Variants in BLTP3A observed in about 807,000 individuals in gnomAD.
BLTP3A encodes ICBP90 binding protein 1.
the BLTP3A span, among the ~76,000 whole-genome samples, chr6:34,805,365 A>G: frequency 6.6e-6 from 1 of 151,656 alleles, no homozygotes; most frequent in Non-Finnish European, 1.5e-5. Flanking sequence ...GGCTGAGGCA[A>G]GCAGATCACT....
At chr6:34,792,677 T>C in the BLTP3A span, among the ~76,000 whole-genome samples, 8 of 152,210 alleles carry the variant, frequency 5.3e-5, no homozygotes, top group East Asian at 1.5e-3. Flanking sequence ...CGAAGCCCAC[T>C]CTTGCCTGCC....
the BLTP3A span, chr6:34,858,730 G>T: frequency 1.2e-5 from 19 of 1,614,134 alleles, no homozygotes; most frequent in Non-Finnish European, 1.4e-5. Context: ...AGAAGTCATG[G>T]AAATTCTGAA....
the BLTP3A span, among the ~76,000 whole-genome samples, chr6:34,849,392 G>A: frequency 6.6e-6 from 1 of 151,916 alleles, no homozygotes; most frequent in Admixed American, 6.6e-5. Context: ...ATTTTAAACT[G>A]ATGACAACTT....
At chr6:34,852,784 A>G in the BLTP3A span, among the ~76,000 whole-genome samples, 7 of 151,926 alleles carry the variant, frequency 4.6e-5, no homozygotes, top group Admixed American at 2.6e-4. Flanking sequence ...TTCTTAAAGG[A>G]TCCTAGAGCA....
At chr6:34,871,560 A>G in the BLTP3A span, 1 of 1,606,692 alleles carries the variant, frequency 6.2e-7, no homozygotes, top group Non-Finnish European at 8.5e-7. Context: ...GGGGGGCATC[A>G]TGTGGTTTCT....
the BLTP3A span, chr6:34,871,475 A>G: frequency 1.9e-6 from 2 of 1,067,064 alleles, no homozygotes; most frequent in African/African-American, 1.6e-5. Context: ...CCAAGAATGT[A>G]TGGACAAACT....
chr6:34,794,844 G>T, the BLTP3A span, among the ~76,000 whole-genome samples: 1 of 151,854 alleles, frequency 6.6e-6, no homozygotes, highest in Non-Finnish European at 1.5e-5. Context: ...GAGTGCAGTG[G>T]CGCGATCTCG....
At chr6:34,853,354 G>A in the BLTP3A span, among the ~76,000 whole-genome samples, 1 of 151,938 alleles carries the variant, frequency 6.6e-6, no homozygotes, top group African/African-American at 2.4e-5. Context: ...ACCATACTCA[G>A]CTGTTTTTTT....
chr6:34,823,170 C>A, the BLTP3A span: 1 of 1,129,504 alleles, frequency 8.9e-7, no homozygotes, highest in South Asian at 1.2e-5. Flanking sequence ...GGCTCTGGAG[C>A]ACGGAGATGA....
At chr6:34,875,440 C>T in the BLTP3A span, 1 of 152,128 alleles carries the variant, frequency 6.6e-6, no homozygotes, top group African/African-American at 2.4e-5. Flanking sequence ...TCCCTTCCTC[C>T]CCTCACCCAC....
the BLTP3A span, among the ~76,000 whole-genome samples, chr6:34,864,522 C>CT: frequency 0.36 from 39,032 of 109,338 alleles, 7,249 homozygotes; most frequent in African/African-American, 0.4. Flanking sequence ...TGCTTATAGT[C>CT]TTTTTTTTTT....
chr6:34,845,591 A>T, the BLTP3A span, among the ~76,000 whole-genome samples: 1 of 150,180 alleles, frequency 6.7e-6, no homozygotes, highest in Non-Finnish European at 1.5e-5. Context: ...GCTAATTTTT[A>T]AATTATTATT....
the BLTP3A span, among the ~76,000 whole-genome samples, chr6:34,811,885 T>C: frequency 1.3e-5 from 2 of 151,230 alleles, no homozygotes. Context: ...AAAAACTTAG[T>C]TGGGTGTAGT....
At chr6:34,821,028 C>A in the BLTP3A span, among the ~76,000 whole-genome samples, 1 of 150,374 alleles carries the variant, frequency 6.7e-6, no homozygotes, top group Non-Finnish European at 1.5e-5. Context: ...ACGATTTCAG[C>A]TCACTGCAAC....
At chr6:34,843,989 T>C in the BLTP3A span, among the ~76,000 whole-genome samples, 3 of 152,168 alleles carry the variant, frequency 2.0e-5, no homozygotes, top group South Asian at 6.2e-4. Flanking sequence ...TTTGTTTTTG[T>C]TTTTGTTTTG....
chr6:34,823,735 A>G, the BLTP3A span, among the ~76,000 whole-genome samples: 6 of 150,318 alleles, frequency 4.0e-5, no homozygotes, highest in East Asian at 2.0e-4. Flanking sequence ...GTGTCTCACT[A>G]TGTTGCCCAG....
chr6:34,792,378 C>G, the BLTP3A span: 405 of 1,349,006 alleles, frequency 3.0e-4, 2 homozygotes, highest in South Asian at 4.5e-3. Context: ...CGCTCCGGGC[C>G]CAGTCTGCCT....
At chr6:34,831,205 G>A in the BLTP3A span, among the ~76,000 whole-genome samples, 2 of 150,730 alleles carry the variant, frequency 1.3e-5, no homozygotes, top group Non-Finnish European at 2.9e-5. Context: ...TCAGCTCACT[G>A]CAACCTCCAC....
the BLTP3A span, among the ~76,000 whole-genome samples, chr6:34,832,929 A>C: frequency 6.6e-6 from 1 of 152,094 alleles, no homozygotes; most frequent in Non-Finnish European, 1.5e-5. Context: ...TTGAATTTTC[A>C]GACCTCCTTT....
Sources: allele counts gnomAD v4.1 joint callset (sites outside exome capture counted in the v4.1 genomes callset), GRCh38; gene constraint gnomAD v4.1.1; transcripts MANE v1.5; gene names NCBI Gene and HGNC (gene_info 2026-07-23, HGNC 2026-07-21).